AFG2A: variants seen among roughly 807,000 people sequenced by gnomAD.
AFG2A encodes AAA ATPase AFG2A.
the AFG2A span, among the ~76,000 whole-genome samples, chr4:122,941,515 A>G: frequency 6.6e-6 from 1 of 152,276 alleles, no homozygotes; most frequent in Non-Finnish European, 1.5e-5. Context: ...GTTGCTTATC[A>G]GCTTAAGGAA....
At chr4:123,319,319 T>G in the AFG2A span, 1 of 152,240 alleles carries the variant, frequency 6.6e-6, no homozygotes, top group Non-Finnish European at 1.5e-5. Flanking sequence ...AATGTGAGGT[T>G]ATTAGAGTCT....
chr4:123,198,925 G>A, the AFG2A span, among the ~76,000 whole-genome samples: 1 of 152,202 alleles, frequency 6.6e-6, no homozygotes, highest in Non-Finnish European at 1.5e-5. Context: ...TCTTGTGGTA[G>A]CCTGATTTAA....
At chr4:123,092,899 C>T in the AFG2A span, among the ~76,000 whole-genome samples, 1 of 152,152 alleles carries the variant, frequency 6.6e-6, no homozygotes, top group Admixed American at 6.5e-5. Flanking sequence ...TGTTTTATCC[C>T]TGTCACACTT....
At chr4:123,024,246 CAA>C in the AFG2A span, among the ~76,000 whole-genome samples, 1 of 123,940 alleles carries the variant, frequency 8.1e-6, no homozygotes, top group African/African-American at 2.9e-5. Context: ...AAAAAAGAAA[CAA>C]AAGAAAAAAT....
chr4:123,233,761 C>T, the AFG2A span, among the ~76,000 whole-genome samples: 332 of 151,512 alleles, frequency 2.2e-3, 2 homozygotes, highest in Middle Eastern at 0.014. Context: ...AATCCATTTG[C>T]AGTGTTTATG....
chr4:122,957,557 A>G, the AFG2A span, among the ~76,000 whole-genome samples: 5 of 152,330 alleles, frequency 3.3e-5, no homozygotes, highest in African/African-American at 9.6e-5. Context: ...GCATAGGGAA[A>G]AACATTCATT....
At chr4:123,267,503 C>T in the AFG2A span, among the ~76,000 whole-genome samples, 1 of 151,966 alleles carries the variant, frequency 6.6e-6, no homozygotes, top group Non-Finnish European at 1.5e-5. Context: ...GATATTTTCC[C>T]TTTTCCTTCA....
chr4:123,118,344 T>A, the AFG2A span, among the ~76,000 whole-genome samples: 59 of 32,318 alleles, frequency 1.8e-3, no homozygotes, highest in African/African-American at 3.0e-3. Flanking sequence ...ATATATTATA[T>A]TATATATATT....
chr4:123,020,417 G>A, the AFG2A span, among the ~76,000 whole-genome samples: 1 of 150,184 alleles, frequency 6.7e-6, no homozygotes, highest in African/African-American at 2.5e-5. Flanking sequence ...CGTTCAGGCT[G>A]GAGTTCAATG....
the AFG2A span, among the ~76,000 whole-genome samples, chr4:122,927,088 C>T: frequency 6.6e-6 from 1 of 152,168 alleles, no homozygotes; most frequent in Non-Finnish European, 1.5e-5. Context: ...GGCCTGAATT[C>T]TGGACCCCCT....
the AFG2A span, among the ~76,000 whole-genome samples, chr4:123,101,853 T>G: frequency 6.6e-6 from 1 of 151,526 alleles, no homozygotes; most frequent in African/African-American, 2.4e-5. Context: ...TTATACAGAG[T>G]GTGATAGGAA....
At chr4:122,941,564 T>A in the AFG2A span, among the ~76,000 whole-genome samples, 5 of 152,274 alleles carry the variant, frequency 3.3e-5, no homozygotes, top group Non-Finnish European at 7.3e-5. Context: ...AGATATACAA[T>A]CATGTTGTCT....
chr4:123,250,560 T>A, the AFG2A span, among the ~76,000 whole-genome samples: 23 of 152,250 alleles, frequency 1.5e-4, no homozygotes, highest in Admixed American at 6.5e-4. Flanking sequence ...ATGTATAGTT[T>A]GAGGGGAATT....
the AFG2A span, among the ~76,000 whole-genome samples, chr4:123,003,839 T>C: frequency 2.0e-5 from 3 of 152,178 alleles, no homozygotes; most frequent in African/African-American, 7.2e-5. Flanking sequence ...TCCTGAAAGC[T>C]GTCAGACAGG....
the AFG2A span, among the ~76,000 whole-genome samples, chr4:123,102,995 A>T: frequency 1.3e-5 from 2 of 152,046 alleles, no homozygotes; most frequent in Admixed American, 1.3e-4. Context: ...ATAAGTTTGG[A>T]AAAAAATGAA....
the AFG2A span, among the ~76,000 whole-genome samples, chr4:122,964,274 C>T: frequency 8.6e-5 from 13 of 151,962 alleles, no homozygotes; most frequent in Non-Finnish European, 1.8e-4. Context: ...GAGGCTGAGG[C>T]GGGTGGACCA....
chr4:123,108,121 A>T, the AFG2A span, among the ~76,000 whole-genome samples: 1 of 152,190 alleles, frequency 6.6e-6, no homozygotes, highest in Non-Finnish European at 1.5e-5. Context: ...GCACCTACCC[A>T]GTGCAGCGGG....
At chr4:122,981,420 G>A in the AFG2A span, among the ~76,000 whole-genome samples, 4 of 146,652 alleles carry the variant, frequency 2.7e-5, no homozygotes, top group South Asian at 6.4e-4. Context: ...GATTATCATA[G>A]CTTTGTAGTA....
At chr4:123,115,520 C>T in the AFG2A span, among the ~76,000 whole-genome samples, 1 of 152,104 alleles carries the variant, frequency 6.6e-6, no homozygotes, top group Non-Finnish European at 1.5e-5. Context: ...TCACTCTGTG[C>T]GCAACTGCAG....
Sources: gnomAD v4.1 joint callset for allele counts (sites outside exome capture counted in the v4.1 genomes callset) on GRCh38, gnomAD v4.1.1 for gene constraint, MANE v1.5 for transcripts, NCBI Gene and HGNC (gene_info 2026-07-23, HGNC 2026-07-21) for gene names.